Variants in HIVEP3 observed in about 807,000 individuals in gnomAD.
HIVEP3 encodes the protein HIVEP zinc finger 3.
HIVEP3 carries 49 observed loss-of-function variants against 152.8 expected under a neutral mutation model. That is an observed-to-expected ratio of 0.32 (90% confidence interval 0.26 to 0.41). The LOEUF (loss-of-function observed/expected upper bound fraction) is 0.41, where lower values mean the gene tolerates loss of function less well. Ranked by LOEUF, HIVEP3 falls within the 10% of genes least tolerant of loss-of-function variation. HIVEP3 has a pLI of 1.00. For missense variants in HIVEP3, 2,790 were observed against 3,103.3 expected (o/e 0.90, Z 2.40); for synonymous variants, 1,269 against 1,289.0 (o/e 0.98, Z 0.33).
chr1:41,690,784 G>C (rs899850311), intron 2 of HIVEP3, among the ~76,000 whole-genome samples: 4 of 152,198 alleles, frequency 2.6e-5, no homozygotes, highest in African/African-American at 9.7e-5. Context: ...CAGGCATGGT[G>C]GTGGGCACCT....
At chr1:41,858,369 C>T (rs1177640730) in intron 1 of HIVEP3, among the ~76,000 whole-genome samples, 3 of 152,214 alleles carry the variant, frequency 2.0e-5, no homozygotes, top group Non-Finnish European at 4.4e-5. Context: ...AAATTATATT[C>T]ATGCCCTGTC....
intron 1 of HIVEP3, among the ~76,000 whole-genome samples, chr1:41,968,414 C>T (rs1167589559): frequency 6.6e-6 from 1 of 152,168 alleles, no homozygotes; most frequent in African/African-American, 2.4e-5. Flanking sequence ...TTGTGCAAAT[C>T]AATAAATGTA....
Position 41,739,695 on chromosome 1 carries a change from C to T in HIVEP3, c.-800-38700G>A, listed in dbSNP as rs1220617609. ...CAAGCATGTCTCAACCCCAGACTCC[C>T]AGTATCATCTTGTCTGCTTCCAGAT... is the stretch of plus-strand genomic sequence containing the variant. On this transcript the variant is annotated intron_variant, in intron 1 of 8. Transcript: ENST00000372583. 5.3e-5 allele frequency among the ~76,000 whole-genome samples: 8 copies of T among 152,238 alleles called. No individual in the cohort carries two copies. The East Asian group carries it at 1.5e-3, about 29-fold the overall frequency.
chr1:41,662,301 G>A lies in HIVEP3; in HGVS notation c.-720-33354C>T, dbSNP rs1426194301. On this transcript the variant is annotated intron_variant, in intron 2 of 8. Transcript: ENST00000372583. The surrounding 1 kb of genome is among the most constrained non-coding windows in gnomAD (Gnocchi z 7.2). ...CCCCAGGCGCTCGCTGGCGGCCCAC[G>A]CGGCGCGGGGTGGGCGCGGGGCGGG... 1 of 145,660 alleles carries A rather than the reference G, an allele frequency of 6.9e-6. No homozygotes were observed. The highest frequency in any genetic ancestry group is 1.5e-5 in the Non-Finnish European group (1 of 65,614). The allele number at this position is 145,660 out of a possible 1,614,324, so 9.0% of individuals were successfully genotyped here.
chr1:41,683,829 C>T (rs1646076160), intron 2 of HIVEP3, among the ~76,000 whole-genome samples: 1 of 152,164 alleles, frequency 6.6e-6, no homozygotes, highest in Non-Finnish European at 1.5e-5. Flanking sequence ...TGGTGCTGCC[C>T]CTCACTGCCA....
chr1:41,663,414 T>C (rs1164913742), intron 2 of HIVEP3, among the ~76,000 whole-genome samples: 1 of 152,136 alleles, frequency 6.6e-6, no homozygotes, highest in African/African-American at 2.4e-5. Flanking sequence ...GTCATGAAAG[T>C]TTGAGGCCCC....
intron 2 of HIVEP3, among the ~76,000 whole-genome samples, chr1:41,681,089 G>GGGGTGTGTGTGTGTGTGT (rs976543884): frequency 1.3e-5 from 2 of 148,244 alleles, no homozygotes; most frequent in Non-Finnish European, 3.0e-5. Flanking sequence ...GCTAAGAACT[G>GGGGTGTGTGTGTGTGTGT]GTGTGTGTGT....
At chr1:41,811,473 C>T (rs2124328088) in intron 1 of HIVEP3, among the ~76,000 whole-genome samples, 1 of 152,090 alleles carries the variant, frequency 6.6e-6, no homozygotes, top group Non-Finnish European at 1.5e-5. Flanking sequence ...CACCATTTTT[C>T]ACTATTCTAA....
At chr1:41,984,034 C>T (rs901628164) in intron 1 of HIVEP3, among the ~76,000 whole-genome samples, 3 of 152,204 alleles carry the variant, frequency 2.0e-5, no homozygotes, top group Non-Finnish European at 1.5e-5. Context: ...TGCAATGGCA[C>T]AATCTTGGCT....
intron 2 of HIVEP3, among the ~76,000 whole-genome samples, chr1:41,691,989 C>T (rs1433560963): frequency 4.6e-5 from 7 of 151,942 alleles, no homozygotes; most frequent in Non-Finnish European, 8.8e-5. Context: ...GGATTACAGG[C>T]CTGCGCCACC....
chr1:41,907,266 G>C (rs1644728352), intron 1 of HIVEP3, among the ~76,000 whole-genome samples: 1 of 152,218 alleles, frequency 6.6e-6, no homozygotes, highest in African/African-American at 2.4e-5. Context: ...TTTTCTCCAA[G>C]ATAGTTAGGG....
chr1:41,975,669 G>A (rs1402572527), intron 1 of HIVEP3, among the ~76,000 whole-genome samples: 1 of 152,236 alleles, frequency 6.6e-6, no homozygotes, highest in Non-Finnish European at 1.5e-5. Flanking sequence ...GAATTCTGCT[G>A]CTATTGCTAG....
chr1:41,587,318 C>T (rs1381470498), intron 3 of HIVEP3, among the ~76,000 whole-genome samples: 1 of 152,190 alleles, frequency 6.6e-6, no homozygotes, highest in Non-Finnish European at 1.5e-5. Context: ...CTCCTATGAG[C>T]AGTCAAAGGC....
At chr1:41,901,068 T>C (rs1049210143) in intron 1 of HIVEP3, among the ~76,000 whole-genome samples, 2 of 152,054 alleles carry the variant, frequency 1.3e-5, no homozygotes, top group Non-Finnish European at 2.9e-5. Flanking sequence ...GATGGATTCA[T>C]GCACTCGTCC....
intron 5 of HIVEP3, among the ~76,000 whole-genome samples, chr1:41,527,704 C>A: frequency 7.5e-6 from 1 of 133,494 alleles, no homozygotes; most frequent in African/African-American, 2.9e-5. Context: ...CCTCACACAC[C>A]CCCACCCTCA....
chr1:42,015,130 C>G (rs1350051552), intron 1 of HIVEP3, among the ~76,000 whole-genome samples: 3 of 152,182 alleles, frequency 2.0e-5, no homozygotes, highest in Admixed American at 2.0e-4. Flanking sequence ...CATCAAAATC[C>G]AACCAGCACC....
intron 1 of HIVEP3, among the ~76,000 whole-genome samples, chr1:41,743,966 T>C (rs1216653718): frequency 1.3e-5 from 2 of 152,098 alleles, no homozygotes; most frequent in East Asian, 1.9e-4. Flanking sequence ...AATTCTTCCA[T>C]CCTTAGGCAC....
intron 1 of HIVEP3, among the ~76,000 whole-genome samples, chr1:42,016,709 T>G (rs1194931474): frequency 2.6e-5 from 4 of 152,186 alleles, no homozygotes; most frequent in Non-Finnish European, 5.9e-5. Flanking sequence ...GCAATCAGTA[T>G]CTCCTGGCCA....
intron 1 of HIVEP3, among the ~76,000 whole-genome samples, chr1:41,994,602 T>A (rs1645384634): frequency 6.6e-6 from 1 of 152,184 alleles, no homozygotes; most frequent in Non-Finnish European, 1.5e-5. Flanking sequence ...AGGTGCTTGC[T>A]TCTCTTTCAC....
Sources: gnomAD v4.1 joint callset for allele counts (sites outside exome capture counted in the v4.1 genomes callset) on GRCh38, gnomAD v4.1.1 for gene constraint, Gnocchi (gnomAD v3.1) non-coding constraint, MANE v1.5 for transcripts, NCBI Gene and HGNC (gene_info 2026-07-23, HGNC 2026-07-21) for gene names.